The following EML1 variants were observed in gnomAD, a reference collection of about 807,000 sequenced individuals.
EML1 encodes the protein EMAP like 1.
EML1 carries 27 observed loss-of-function variants against 110.4 expected under a neutral mutation model. That is an observed-to-expected ratio of 0.24 (90% CI 0.18 to 0.34). The LOEUF (loss-of-function observed/expected upper bound fraction) is 0.34. Ranked by LOEUF, EML1 falls within the 10% of genes least tolerant of loss-of-function variation. The pLI, the probability that EML1 is intolerant of heterozygous loss-of-function variation, is 1.00. For missense variants in EML1, 741 were observed against 1,030.9 expected, an observed-to-expected ratio of 0.72 and a Z score of 3.85; for synonymous variants, 344 against 385.8, an observed-to-expected ratio of 0.89 and a Z score of 1.27.
chr14:99,758,385 C>T (rs1254781742), intron 1 of EML1, among the ~76,000 whole-genome samples: 2 of 152,218 alleles, frequency 1.3e-5, no homozygotes, highest in South Asian at 2.1e-4. Flanking sequence ...GTTCCACCCA[C>T]CATGTATGGG....
At chr14:99,742,786 G>T (rs533820156) in intron 1 of EML1, among the ~76,000 whole-genome samples, 1 of 152,244 alleles carries the variant, frequency 6.6e-6, no homozygotes, top group African/African-American at 2.4e-5. Flanking sequence ...AGCCTCGGCG[G>T]TCTCATCTGT....
intron 17 of EML1, among the ~76,000 whole-genome samples, chr14:99,931,342 C>T (rs1177604808): frequency 1.3e-5 from 2 of 149,692 alleles, no homozygotes. Flanking sequence ...GGCTGTGTTG[C>T]TGTACACAAA....
rs143022643 is a variant in EML1 at position 99,910,314 on chromosome 14, A to G, written c.1312A>G (p.Ser438Gly). The stretch of plus-strand genomic sequence containing the variant: ...CGGTGACACCATTACTGGAGATTCA[A>G]GTGGCAACATCTTAGTATGGGGAAA... ...ENGDTITGDS[S>G]GNILVWGKGT... Residue 438 changes from serine to glycine, a missense_variant, in exon 12 of 22, where the codon AGT becomes GGT. By Grantham distance (56) the Ser-to-Gly change is moderately conservative. Around this residue, in one of 4 missense-constraint regions of EML1, gnomAD observed 388 missense variants for 605.6 expected, o/e 0.64. Transcript: ENST00000262233. The G allele has an allele frequency of 6.2e-7, 1 of 1,613,388 alleles. No homozygotes were observed. Among genetic ancestry groups the G allele is most frequent in the Non-Finnish European group, 8.5e-7 (1 of 1,179,756 alleles).
In EML1 at chr14:99,911,591, C is replaced by G. The variant is rs1218204308; in HGVS notation, c.1494+15C>G. 6.2e-7 allele frequency: 1 copy of G among 1,605,908 alleles called. No individual in the cohort carries two copies. Among genetic ancestry groups the G allele is most frequent in the East Asian group, 2.2e-5 (1 of 44,684 alleles). On this transcript the variant is annotated intron_variant, in intron 13 of 21. Coordinates refer to ENST00000262233, the MANE Select transcript of EML1 (RefSeq NM_004434.3). Reference sequence around the variant, plus strand: ...GTAAAACGGAGGTAAGTCATCAAGGCTACTGCTAAAATTTGTTTTTAACCT... The same window carrying G: ...GTAAAACGGAGGTAAGTCATCAAGGGTACTGCTAAAATTTGTTTTTAACCT...
intron 1 of EML1, among the ~76,000 whole-genome samples, chr14:99,780,592 T>A (rs2057528874): frequency 6.6e-6 from 1 of 152,296 alleles, no homozygotes; most frequent in Non-Finnish European, 1.5e-5. Context: ...CCAACAAGGA[T>A]GTTTATGTTG....
chr14:99,818,479 AC>A (rs1173133459), intron 1 of EML1, among the ~76,000 whole-genome samples: 6 of 152,348 alleles, frequency 3.9e-5, no homozygotes, highest in African/African-American at 1.4e-4. Context: ...AGTCAAAGAT[AC>A]ACCAAGATTT....
chr14:99,785,940 G>A (rs2057594248), intron 1 of EML1, among the ~76,000 whole-genome samples: 2 of 151,756 alleles, frequency 1.3e-5, no homozygotes, highest in African/African-American at 4.8e-5. Flanking sequence ...CACCCCTCCC[G>A]CAGCGCTAAC....
intron 4 of EML1, among the ~76,000 whole-genome samples, chr14:99,879,648 G>A (rs1025734318): frequency 3.3e-5 from 5 of 152,084 alleles, no homozygotes; most frequent in East Asian, 1.9e-4. Flanking sequence ...TCAGGTCCAC[G>A]GTCTATTAAC....
chr14:99,742,710 G>A (rs1488258716), intron 1 of EML1, among the ~76,000 whole-genome samples: 1 of 152,128 alleles, frequency 6.6e-6, no homozygotes, highest in South Asian at 2.1e-4. Flanking sequence ...AGTGCGTGGA[G>A]GGCTGGGTAA....
chr14:99,818,161 A>T (rs2058200885), intron 1 of EML1, among the ~76,000 whole-genome samples: 1 of 152,180 alleles, frequency 6.6e-6, no homozygotes, highest in Admixed American at 6.5e-5. Flanking sequence ...TCTGGAGGCC[A>T]GATCCCAAAG....
At chr14:99,864,594 C>A (rs1484330019) in intron 2 of EML1, among the ~76,000 whole-genome samples, 1 of 151,908 alleles carries the variant, frequency 6.6e-6, no homozygotes, top group Non-Finnish European at 1.5e-5. Flanking sequence ...GGCGGATCAC[C>A]TGAGGTCAGG....
chr14:99,908,036 A>G (rs1434894071), intron 10 of EML1, among the ~76,000 whole-genome samples: 1 of 152,102 alleles, frequency 6.6e-6, no homozygotes, highest in African/African-American at 2.4e-5. Flanking sequence ...TGCTTGGCAC[A>G]CCCCGAGTGC....
chr14:99,926,776 C>A (rs1301759891), intron 17 of EML1, among the ~76,000 whole-genome samples: 2 of 151,338 alleles, frequency 1.3e-5, no homozygotes, highest in Non-Finnish European at 1.5e-5. Context: ...CAGAGCCTCA[C>A]TCTGTCACCC....
chr14:99,846,347 ATCTC>A (rs1595372896), intron 1 of EML1, among the ~76,000 whole-genome samples: 1 of 147,104 alleles, frequency 6.8e-6, no homozygotes, highest in East Asian at 2.0e-4. Flanking sequence ...CAGTGGCGCA[ATCTC>A]GGCTTACTGC....
chr14:99,798,707 G>A (rs1410235538), intron 1 of EML1, among the ~76,000 whole-genome samples: 1 of 151,988 alleles, frequency 6.6e-6, no homozygotes, highest in Non-Finnish European at 1.5e-5. Flanking sequence ...TTCTAATAAT[G>A]CAGCCTAAGG....
intron 1 of EML1, among the ~76,000 whole-genome samples, chr14:99,822,904 T>C (rs1298483671): frequency 1.7e-4 from 26 of 152,204 alleles, no homozygotes; most frequent in Admixed American, 1.7e-3. Flanking sequence ...AGTCTTTTCC[T>C]ATTTTAGCAC....
At chr14:99,896,830 G>C (rs993849647) in intron 6 of EML1, among the ~76,000 whole-genome samples, 2 of 151,106 alleles carry the variant, frequency 1.3e-5, no homozygotes, top group African/African-American at 4.9e-5. Context: ...GTTTAAAAAA[G>C]GAATTTTTTA....
At chr14:99,741,965 T>G (rs1726510444) in intron 1 of EML1, among the ~76,000 whole-genome samples, 1 of 152,154 alleles carries the variant, frequency 6.6e-6, no homozygotes, top group African/African-American at 2.4e-5. Context: ...AGCTGTTGGA[T>G]GCTACAGGCC....
intron 2 of EML1, among the ~76,000 whole-genome samples, chr14:99,851,550 G>T (rs377162149): frequency 2.0e-5 from 3 of 151,910 alleles, no homozygotes; most frequent in African/African-American, 7.3e-5. Context: ...CTCGTGATCC[G>T]CCCGCCTCGG....
Sources: gnomAD v4.1 joint callset for allele counts (sites outside exome capture counted in the v4.1 genomes callset) on GRCh38, gnomAD v4.1.1 for gene constraint, gnomAD v4.1.1 regional missense constraint, MANE v1.5 for transcripts, NCBI Gene and HGNC (gene_info 2026-07-23, HGNC 2026-07-21) for gene names.